The following FHAD1 variants were observed in gnomAD, a reference collection of about 807,000 sequenced individuals.
FHAD1 encodes forkhead associated phosphopeptide binding domain 1.
In FHAD1, 146 loss-of-function variants were observed where a neutral mutation model predicts 191.3. The ratio of observed to expected loss-of-function variants is 0.76; its 90% confidence interval spans 0.67 to 0.88. The LOEUF (loss-of-function observed/expected upper bound fraction) is 0.88, where lower values mean the gene tolerates loss of function less well. Ranked by LOEUF, FHAD1 falls within the 40% of genes least tolerant of loss-of-function variation. The pLI is 0.00. For synonymous variants in FHAD1, 616 were observed against 672.3 expected (o/e 0.92, Z 1.29); for missense variants, 1,635 against 1,785.8 (o/e 0.92, Z 1.52).
chr1:15,341,780 G>A lies in FHAD1; in HGVS notation c.2022G>A (p.Gln674=), dbSNP rs763821. Reference sequence around the variant, plus strand: ...AGGAAACTCAGCAGTCTTTACTGCAGGAAAAGCTGCGGGAGCATCTGGCAG... The same window carrying A: ...AGGAAACTCAGCAGTCTTTACTGCAAGAAAAGCTGCGGGAGCATCTGGCAG... ...SSQETQQSLL[Q]EKLREHLAEK... Residue 674 remains glutamine, a synonymous_variant, in exon 16 of 34, where the codon CAG becomes CAA. Transcript: ENST00000688493. The A allele has an allele frequency of 0.39, 602,830 of 1,550,704 alleles. 120,633 individuals carry two copies. The highest frequency in any genetic ancestry group is 0.5 in the African/African-American group (36,163 of 73,036).
chr1:15,331,816 T>C (rs1185149627), intron 14 of FHAD1, among the ~76,000 whole-genome samples: 1 of 152,132 alleles, frequency 6.6e-6, no homozygotes, highest in African/African-American at 2.4e-5. Flanking sequence ...AGATTATTTA[T>C]TCTTCAGTCT....
chr1:15,314,623 G>GGATA (rs1673440685), intron 8 of FHAD1: 1 of 148,794 alleles, frequency 6.7e-6, no homozygotes, highest in African/African-American at 2.5e-5. Context: ...GGGTGTGGGT[G>GGATA]TGAGGATGTA....
chr1:15,238,466 G>A (rs754517056), intron 1 of FHAD1, among the ~76,000 whole-genome samples: 2 of 152,124 alleles, frequency 1.3e-5, no homozygotes, highest in East Asian at 1.9e-4. Context: ...GGCCACCAAG[G>A]CCTTCTGGAA....
chr1:15,277,089 G>T (rs1237232949), intron 3 of FHAD1, among the ~76,000 whole-genome samples: 1 of 152,172 alleles, frequency 6.6e-6, no homozygotes, highest in Non-Finnish European at 1.5e-5. Flanking sequence ...GTGAGTGAGG[G>T]TTGTCCTGTG....
In FHAD1 at chr1:15,313,046, C is replaced by G; in HGVS notation, c.1040-11C>G. 1 of 1,551,472 alleles carries G rather than the reference C, an allele frequency of 6.4e-7. No homozygotes were observed. The highest frequency in any genetic ancestry group is 8.7e-7 in the Non-Finnish European group (1 of 1,146,874). ...TGCCTCTTTGACCTCTGCGAGTCTTCTTTTTTACAGGGATGGTGTCATCTT... is the reference window on the plus strand; with the variant it reads ...TGCCTCTTTGACCTCTGCGAGTCTTGTTTTTTACAGGGATGGTGTCATCTT... On this transcript the variant is annotated splice_polypyrimidine_tract_variant and intron_variant, in intron 7 of 33. Coordinates refer to ENST00000688493, the MANE Select transcript of FHAD1 (RefSeq NM_001391957.1).
At chr1:15,383,933 G>A (rs1247097596) in intron 31 of FHAD1, 2 of 411,682 alleles carry the variant, frequency 4.9e-6, no homozygotes. Context: ...GGTTGGCCGT[G>A]AGTCCCCTCC....
At position 15,332,435 on chromosome 1, in the gene FHAD1, T is replaced by TAGTG. The variant is rs1280793424; in HGVS notation, c.1906+2895_1906+2898dup. On this transcript the variant is annotated intron_variant, in intron 14 of 33. Coordinates refer to ENST00000688493, the MANE Select transcript of FHAD1 (RefSeq NM_001391957.1). Reference sequence around the variant, plus strand: ...AAGAAATGTGGGTTGTTGCCAGGTGTAGTGGCTCATGCCTGTGATCCCATC... The same window carrying TAGTG: ...AAGAAATGTGGGTTGTTGCCAGGTGTAGTGAGTGGCTCATGCCTGTGATCCCATC... 3.3e-5 allele frequency among the ~76,000 whole-genome samples: 5 copies of TAGTG among 152,178 alleles called. No individual in the cohort carries two copies. In the East Asian group the frequency reaches 9.6e-4, roughly 29 times the overall value.
intron 18 of FHAD1, among the ~76,000 whole-genome samples, chr1:15,347,848 TA>T (rs1243524576): frequency 6.6e-6 from 1 of 152,226 alleles, no homozygotes; most frequent in Non-Finnish European, 1.5e-5. Context: ...TGTTCAAAGT[TA>T]ATCCCCATTA....
At chr1:15,261,804 C>G (rs1651193922) in intron 2 of FHAD1, among the ~76,000 whole-genome samples, 1 of 152,124 alleles carries the variant, frequency 6.6e-6, no homozygotes, top group South Asian at 2.1e-4. Flanking sequence ...TGACAGGGGT[C>G]ACAGTGGGGG....
At chr1:15,326,889 T>A in intron 11 of FHAD1, 170 bp from the exon 12 acceptor site, 1 of 585,358 alleles carries the variant, frequency 1.7e-6, no homozygotes, top group Non-Finnish European at 3.1e-6. Context: ...TCTTTTCTTC[T>A]GTGGGTCCCG....
chr1:15,272,273 C>A (rs920010853), intron 2 of FHAD1, 50 bp from the exon 3 acceptor site: 6 of 1,493,328 alleles, frequency 4.0e-6, no homozygotes, highest in Non-Finnish European at 1.8e-6. Flanking sequence ...CATTAGGGGC[C>A]GTGTCATTTT....
intron 8 of FHAD1, among the ~76,000 whole-genome samples, chr1:15,313,653 G>A (rs1052910673): frequency 1.4e-4 from 21 of 152,152 alleles, no homozygotes; most frequent in Admixed American, 2.0e-4. Context: ...AGTCACCTTC[G>A]AAGCAGAATG....
At chr1:15,317,056 G>A (rs962754354) in intron 9 of FHAD1, among the ~76,000 whole-genome samples, 2 of 152,190 alleles carry the variant, frequency 1.3e-5, no homozygotes, top group Admixed American at 6.5e-5. Flanking sequence ...GCATGGTGGC[G>A]GGTGCCTGTA....
chr1:15,299,620 C>CA (rs2100851654), intron 5 of FHAD1, among the ~76,000 whole-genome samples: 2 of 152,328 alleles, frequency 1.3e-5, no homozygotes, highest in East Asian at 3.9e-4. Context: ...GTGGAAGGGT[C>CA]AGGGGTGCTC....
intron 6 of FHAD1, among the ~76,000 whole-genome samples, chr1:15,302,151 G>A (rs934425456): frequency 1.3e-5 from 2 of 152,152 alleles, no homozygotes; most frequent in African/African-American, 2.4e-5. Context: ...TTCTCACCTC[G>A]ATTTCCTATT....
intron 1 of FHAD1, among the ~76,000 whole-genome samples, chr1:15,251,106 C>T (rs1415671869): frequency 1.3e-5 from 2 of 151,294 alleles, no homozygotes; most frequent in East Asian, 3.9e-4. Flanking sequence ...GCCTGGGCAA[C>T]ATGGCAATAC....
At chr1:15,305,721 C>CAG in intron 6 of FHAD1, 1 of 440,898 alleles carries the variant, frequency 2.3e-6, no homozygotes, top group Non-Finnish European at 4.5e-6. Flanking sequence ...TCAGGGGTTT[C>CAG]CGCTTTTGCT....
chr1:15,374,222 C>T (rs1698925416), intron 26 of FHAD1, among the ~76,000 whole-genome samples: 1 of 152,054 alleles, frequency 6.6e-6, no homozygotes, highest in Non-Finnish European at 1.5e-5. Context: ...GAAACCTAGG[C>T]ATAGAACAGT....
Position 15,331,636 on chromosome 1 carries a change from C to T in FHAD1, c.1906+2095C>T, listed in dbSNP as rs866631431. On this transcript the variant is annotated intron_variant, in intron 14 of 33. Coordinates refer to ENST00000688493, the MANE Select transcript of FHAD1 (RefSeq NM_001391957.1). ...GGTGGATGAATGGATGGATAGAAGA[C>T]AGGAAGGCAGGAAGGAAGGCAGGAG... Among the ~76,000 whole-genome samples the T allele has an allele frequency of 5.6e-4, 78 of 139,786 alleles. No homozygotes were observed. The Middle Eastern group carries it at 0.029, about 53-fold the overall frequency. The allele number at this position is 139,786 out of a possible 152,430, so 91.7% of individuals were successfully genotyped here.
Sources: allele counts gnomAD v4.1 joint callset (sites outside exome capture counted in the v4.1 genomes callset), GRCh38; gene constraint gnomAD v4.1.1; transcripts MANE v1.5; gene names NCBI Gene and HGNC (gene_info 2026-07-23, HGNC 2026-07-21).